The following INTS9 variants were observed in gnomAD, a reference collection of about 807,000 sequenced individuals.
The protein encoded by INTS9 is integrator complex subunit 9.
A neutral mutation model predicts 79.7 loss-of-function variants in INTS9; 55 were observed. That is an observed-to-expected ratio of 0.69 (90% CI 0.56 to 0.86). The LOEUF (loss-of-function observed/expected upper bound fraction) is 0.86, where lower values mean the gene tolerates loss of function less well. Among genes scored for constraint, INTS9 ranks in the 40% least tolerant of loss-of-function variants. The pLI is 0.00. For missense variants in INTS9, 721 were observed against 831.5 expected, an observed-to-expected ratio of 0.87 and a Z score of 1.64; for synonymous variants, 319 against 325.2, an observed-to-expected ratio of 0.98 and a Z score of 0.20.
At chr8:28,869,433 G>A (rs576426402) in intron 1 of INTS9, among the ~76,000 whole-genome samples, 23 of 152,206 alleles carry the variant, frequency 1.5e-4, no homozygotes, top group Non-Finnish European at 2.8e-4. Context: ...ATAAACATTC[G>A]CTGCCATCAG....
chr8:28,772,112 T>G, intron 14 of INTS9, among the ~76,000 whole-genome samples: 1 of 152,202 alleles, frequency 6.6e-6, no homozygotes, highest in Non-Finnish European at 1.5e-5. Context: ...TCCTCCTGCC[T>G]TGGCCTCCCA....
At chr8:28,791,882 C>T (rs1163913188) in intron 10 of INTS9, among the ~76,000 whole-genome samples, 1 of 152,170 alleles carries the variant, frequency 6.6e-6, no homozygotes, top group Admixed American at 6.5e-5. Flanking sequence ...CATCCCATGT[C>T]TCAGCATGGG....
intron 4 of INTS9, among the ~76,000 whole-genome samples, 157 bp downstream of exon 4, chr8:28,846,590 A>G (rs1807527962): frequency 6.6e-6 from 1 of 152,244 alleles, no homozygotes; most frequent in South Asian, 2.1e-4. Context: ...AAGCTGCTAA[A>G]TGATGACATT....
intron 14 of INTS9, 22 bp downstream of exon 14, chr8:28,775,737 C>A (rs1365027325): frequency 6.2e-7 from 1 of 1,613,222 alleles, no homozygotes; most frequent in Admixed American, 1.7e-5. Flanking sequence ...CTAGTTTAAC[C>A]CTAGGAAGGA....
At chr8:28,791,315 A>G (rs1428895807) in intron 10 of INTS9, among the ~76,000 whole-genome samples, 4 of 151,064 alleles carry the variant, frequency 2.6e-5, no homozygotes, top group African/African-American at 4.8e-5. Flanking sequence ...CCCCATGGAC[A>G]GGATCCCTCT....
intron 2 of INTS9, among the ~76,000 whole-genome samples, chr8:28,854,576 A>G (rs1808039251): frequency 6.6e-6 from 1 of 152,210 alleles, no homozygotes; most frequent in African/African-American, 2.4e-5. Flanking sequence ...ATTTTCACTC[A>G]CTGAATCTTT....
chr8:28,777,084 T>C (rs1022654891), intron 13 of INTS9, among the ~76,000 whole-genome samples: 8 of 152,148 alleles, frequency 5.3e-5, no homozygotes, highest in Non-Finnish European at 8.8e-5. Context: ...CTTTCTCTGT[T>C]TCCTGTTCCC....
chr8:28,869,467 C>T (rs1322698893), intron 1 of INTS9, among the ~76,000 whole-genome samples: 2 of 152,336 alleles, frequency 1.3e-5, no homozygotes, highest in African/African-American at 4.8e-5. Flanking sequence ...CTAGGAGATA[C>T]TCCATGGCCT....
intron 14 of INTS9, among the ~76,000 whole-genome samples, chr8:28,774,956 C>CACAG (rs1250286062): frequency 7.9e-5 from 12 of 152,324 alleles, no homozygotes; most frequent in Non-Finnish European, 1.6e-4. Flanking sequence ...GCTAAGAGTT[C>CACAG]ACAGACCTAT....
chr8:28,775,131 G>C (rs1802791233), intron 14 of INTS9, among the ~76,000 whole-genome samples: 1 of 152,176 alleles, frequency 6.6e-6, no homozygotes, highest in African/African-American at 2.4e-5. Flanking sequence ...GGAAGGAAGA[G>C]AAAAGTCACC....
In INTS9 at chr8:28,769,961, T is replaced by C. The variant is rs1802432104; in HGVS notation, c.1728A>G (p.Pro576=). 1 of 1,614,240 alleles carries C rather than the reference T, an allele frequency of 6.2e-7. No individual in the cohort carries two copies. The highest frequency in any genetic ancestry group is 8.5e-7 in the Non-Finnish European group (1 of 1,180,032). ...ACAAAGGCTTCAGGACTTTGCAGTC[T>C]GGTACGTCATCGCTCACCCGCTTTC... The part of the protein sequence containing the change: ...KKRKRVSDDV[P]DCKVLKPLLS... The change falls in exon 16 of 17, where the codon CCA becomes CCG. Residue 576 remains proline (P), a synonymous_variant. Coordinates refer to ENST00000521022, the MANE Select transcript of INTS9 (RefSeq NM_018250.4).
At chr8:28,840,841 AAATGACGAGTT>A (rs1342331402) in intron 4 of INTS9, among the ~76,000 whole-genome samples, 1 of 151,504 alleles carries the variant, frequency 6.6e-6, no homozygotes, top group Non-Finnish European at 1.5e-5. Flanking sequence ...ACCTAATGCT[AAATGACGAGTT>A]AATGGGTGCA....
At position 28,886,632 on chromosome 8, in the gene INTS9, C is replaced by CT. The variant is rs201101584; in HGVS notation, c.9+3241dup. Among the ~76,000 whole-genome samples, 208 of 151,494 alleles carry CT rather than the reference C, an allele frequency of 1.4e-3. 1 individual carries two copies. Among genetic ancestry groups the CT allele is most frequent in the South Asian group, 9.7e-3 (46 of 4,764 alleles). On this transcript the variant is annotated intron_variant, in intron 1 of 16. Transcript: ENST00000521022. Reference sequence around the variant, plus strand: ...ATATTTTCTGTATGCACTCTACCTTCTTTTTTTTTAAGAGATAACCTAGGC... The same window carrying CT: ...ATATTTTCTGTATGCACTCTACCTTCTTTTTTTTTTAAGAGATAACCTAGGC...
chr8:28,883,396 T>C (rs1233650040), intron 1 of INTS9, among the ~76,000 whole-genome samples: 2 of 152,210 alleles, frequency 1.3e-5, no homozygotes, highest in Non-Finnish European at 2.9e-5. Context: ...AAGTCTATAG[T>C]AGACTGAGAG....
chr8:28,837,819 C>T (rs1418176433), intron 4 of INTS9, 43 bp from the exon 5 acceptor site: 14 of 1,555,714 alleles, frequency 9.0e-6, no homozygotes, highest in Non-Finnish European at 1.1e-5. Context: ...GTTCAGGGAT[C>T]GATCAATATG....
intron 10 of INTS9, among the ~76,000 whole-genome samples, chr8:28,789,575 C>T (rs778918656): frequency 2.6e-5 from 4 of 152,230 alleles, no homozygotes; most frequent in Non-Finnish European, 4.4e-5. Flanking sequence ...CCTCAGGTAC[C>T]GCACACTCTT....
At chr8:28,844,780 T>C (rs1230107355) in intron 4 of INTS9, among the ~76,000 whole-genome samples, 2 of 152,122 alleles carry the variant, frequency 1.3e-5, no homozygotes, top group African/African-American at 4.8e-5. Flanking sequence ...GGCACCACTG[T>C]ACTCCAGCCT....
At chr8:28,855,204 G>A (rs1046878040) in intron 2 of INTS9, among the ~76,000 whole-genome samples, 1 of 152,192 alleles carries the variant, frequency 6.6e-6, no homozygotes, top group Admixed American at 6.5e-5. Flanking sequence ...ACATGTGACT[G>A]CTCTGAAGGA....
chr8:28,791,102 T>C (rs1016054243), intron 10 of INTS9, among the ~76,000 whole-genome samples: 3 of 152,164 alleles, frequency 2.0e-5, no homozygotes, highest in Non-Finnish European at 4.4e-5. Context: ...TCACCTCTCA[T>C]ATGGGTTCCT....
Sources: gnomAD v4.1 joint callset for allele counts (sites outside exome capture counted in the v4.1 genomes callset) on GRCh38, gnomAD v4.1.1 for gene constraint, MANE v1.5 for transcripts, NCBI Gene and HGNC (gene_info 2026-07-23, HGNC 2026-07-21) for gene names.